Variants in NCCRP1 observed in about 807,000 individuals in gnomAD.
NCCRP1 encodes the protein F-box only protein 50.
In NCCRP1, 32 loss-of-function variants were observed where a neutral mutation model predicts 34.4. That is an observed-to-expected ratio of 0.93 (90% CI 0.70 to 1.25). The LOEUF (loss-of-function observed/expected upper bound fraction) is 1.25. Ranked by LOEUF, NCCRP1 falls within the 50% of genes most tolerant of loss-of-function variation. The pLI, the probability that NCCRP1 is intolerant of heterozygous loss-of-function variation, is 0.00. For missense variants in NCCRP1, 372 were observed against 391.8 expected (o/e 0.95, Z 0.43); for synonymous variants, 172 against 180.1 (o/e 0.95, Z 0.36).
chr19:39,197,334 A>T lies in NCCRP1; in HGVS notation c.337+15A>T. 1 of 1,427,524 alleles carries T rather than the reference A, an allele frequency of 7.0e-7. No individual in the cohort carries two copies. 88.4% of individuals were successfully genotyped at this position (1,427,524 alleles called of 1,614,324 possible). On this transcript the variant is annotated intron_variant, in intron 1 of 5. Coordinates refer to ENST00000339852, the MANE Select transcript of NCCRP1 (RefSeq NM_001001414.2). The stretch of plus-strand genomic sequence containing the variant: ...CAACCCCGAAGGTGCGCAAGGGCCC[A>T]GAGCAGCCAGGAGGCACCACCCTGA...
In NCCRP1 at chr19:39,201,366, A is replaced by G. The variant is rs969900322; in HGVS notation, c.*610A>G. ...CACTCTGTCACCCAGGCTGGAGTGT[A>G]GTGACACGATCTCGACTCACTGCAA... On this transcript the variant is annotated 3_prime_UTR_variant, in exon 6 of 6. Transcript: ENST00000339852. 1 of 146,750 alleles carries G rather than the reference A, an allele frequency of 6.8e-6. No individual in the cohort carries two copies. The highest frequency in any genetic ancestry group is 7.0e-5 in the Admixed American group (1 of 14,338). The allele number at this position is 146,750 out of a possible 1,614,324, so 9.1% of individuals were successfully genotyped here. A position where few individuals can be genotyped will look rare whatever the true frequency, so the allele number is the denominator to read the frequency against.
rs151275912 is a variant in NCCRP1, at chr19:39,200,344, A to G, written c.549-2A>G. 81 of 1,613,192 alleles carry G rather than the reference A, an allele frequency of 5.0e-5. No individual in the cohort carries two copies. In the African/African-American group the frequency reaches 9.5e-4, roughly 19 times the overall value. On this transcript the variant is annotated splice_acceptor_variant, in intron 4 of 5. Transcript: ENST00000339852. LOFTEE classifies it high-confidence loss of function. This position sits in a 1 kb window ranked among gnomAD's most constrained non-coding sequence, Gnocchi z 5.8. ...AGCTGAAGGCCTTGACTCCGCCTGC[A>G]GGTTCGAGGACAGCCGGCTGGATGC...
Position 39,200,444 on chromosome 19 carries a change from C to T in NCCRP1, c.647C>T (p.Pro216Leu), listed in dbSNP as rs2074783218. 1.2e-6 allele frequency: 2 copies of T among 1,613,522 alleles called. No individual in the cohort carries two copies. The highest frequency in any genetic ancestry group is 1.7e-6 in the Non-Finnish European group (2 of 1,180,016). The change falls in exon 5 of 6, where the codon CCC becomes CTC. Residue 216 changes from proline to leucine, a missense_variant. Coordinates refer to ENST00000339852, the MANE Select transcript of NCCRP1 (RefSeq NM_001001414.2). The surrounding 1 kb of genome is among the most constrained non-coding windows in gnomAD (Gnocchi z 5.8). ...GTCATTGCTCAGCACCACGTGGCCC[C>T]CCGAACTTCTGGGAGAGGACCCCCT... ...RTVIAQHHVA[P>L]RTSGRGPPGR...
intron 1 of NCCRP1, among the ~76,000 whole-genome samples, chr19:39,197,615 C>T (rs1286435388): frequency 1.3e-5 from 2 of 152,096 alleles, no homozygotes; most frequent in Non-Finnish European, 2.9e-5. Context: ...GTCTTGCTGT[C>T]GCCCAGGCTG....
rs918210356 is a variant in NCCRP1 at position 39,201,855 on chromosome 19, T to TG, written c.*1103dup. 1 of 152,214 alleles carries TG rather than the reference T, an allele frequency of 6.6e-6. No individual in the cohort carries two copies. The allele number at this position is 152,214 out of a possible 1,614,324, so 9.4% of individuals were successfully genotyped here. ...GACAGCGTCCCCCGTGTGTGGAATG[T>TG]GGGGATTAAAAGCATTTATCAACCT... On this transcript the variant is annotated 3_prime_UTR_variant, in exon 6 of 6. Transcript: ENST00000339852.
chr19:39,200,240 TACAGCA>T lies in NCCRP1; in HGVS notation c.549-105_549-100del. On this transcript the variant is annotated intron_variant, in intron 4 of 5. Coordinates refer to ENST00000339852, the MANE Select transcript of NCCRP1 (RefSeq NM_001001414.2). This position sits in a 1 kb window ranked among gnomAD's most constrained non-coding sequence, Gnocchi z 5.8. ...CAGCACCACCCAGCTCAGGGCTGTG[TACAGCA>T]TGGGTAGCAGCATGTGTGTTGAATG... 3 of 1,456,064 alleles carry T rather than the reference TACAGCA, an allele frequency of 2.1e-6. No individual in the cohort carries two copies. Among genetic ancestry groups the T allele is most frequent in the Non-Finnish European group, 1.9e-6 (2 of 1,060,278 alleles). 90.2% of individuals were successfully genotyped at this position (1,456,064 alleles called of 1,614,324 possible). A position where few individuals can be genotyped will look rare whatever the true frequency, so the allele number is the denominator to read the frequency against.
At position 39,200,426 on chromosome 19, in the gene NCCRP1, C is replaced by G. The variant is rs757789957; in HGVS notation, c.629C>G (p.Ala210Gly). The G allele has an allele frequency of 2.5e-6, 4 of 1,613,558 alleles. No homozygotes were observed. The East Asian group carries it at 6.7e-5, about 27-fold the overall frequency. ...LLAADRRTVI[A>G]QHHVAPRTSG... ...GCGGCCGACCGCCGCACGGTCATTG[C>G]TCAGCACCACGTGGCCCCCCGAACT... Residue 210 changes from alanine to glycine, a missense_variant, in exon 5 of 6, where the codon GCT becomes GGT. Coordinates refer to ENST00000339852, the MANE Select transcript of NCCRP1 (RefSeq NM_001001414.2). This position sits in a 1 kb window ranked among gnomAD's most constrained non-coding sequence, Gnocchi z 5.8.
Position 39,200,006 on chromosome 19 carries a change from G to T in NCCRP1, c.549-340G>T, listed in dbSNP as rs1004799931. Among the ~76,000 whole-genome samples, 2 of 150,920 alleles carry T rather than the reference G, an allele frequency of 1.3e-5. No individual in the cohort carries two copies. The highest frequency in any genetic ancestry group is 3.9e-4 in the East Asian group (2 of 5,132). Reference sequence around the variant, plus strand: ...CCCCTCTGCCTGGGTCCCCAATTCCGACCCCAACCCCTCTGCCTGTGTCCC... The same window carrying T: ...CCCCTCTGCCTGGGTCCCCAATTCCTACCCCAACCCCTCTGCCTGTGTCCC... On this transcript the variant is annotated intron_variant, in intron 4 of 5. Coordinates refer to ENST00000339852, the MANE Select transcript of NCCRP1 (RefSeq NM_001001414.2). The surrounding 1 kb of genome is among the most constrained non-coding windows in gnomAD (Gnocchi z 5.8).
In NCCRP1 at chr19:39,197,247, C is replaced by T; in HGVS notation, c.265C>T (p.Arg89Cys). Residue 89 changes from arginine (R) to cysteine (C), a missense_variant, in exon 1 of 6, where the codon CGC becomes TGC. Arg to Cys is a radical substitution (Grantham distance 180). Transcript: ENST00000339852. ...GAGCGGGGGCCTGGAGCTGCCCCAG[C>T]GCCTCACCTGGAAGCTGCTCCTGTT... The part of the protein sequence containing the change: ...PLSGGLELPQ[R>C]LTWKLLLLRR... 6.7e-7 allele frequency: 1 copy of T among 1,485,608 alleles called. No individual in the cohort carries two copies. Among genetic ancestry groups the T allele is most frequent in the Non-Finnish European group, 8.9e-7 (1 of 1,128,160 alleles). 92.0% of individuals were successfully genotyped at this position (1,485,608 alleles called of 1,614,324 possible).
Position 39,201,061 on chromosome 19 carries a change from C to CT in NCCRP1, c.*308dup. The CT allele has an allele frequency of 3.1e-6, 1 of 325,518 alleles. No individual in the cohort carries two copies. The highest frequency in any genetic ancestry group is 5.6e-6 in the Non-Finnish European group (1 of 178,354). The allele number at this position is 325,518 out of a possible 1,614,324, so 20.2% of individuals were successfully genotyped here. A position where few individuals can be genotyped will look rare whatever the true frequency, so the allele number is the denominator to read the frequency against. The stretch of plus-strand genomic sequence containing the variant: ...GGATGCTGAGGGCTGGTCTCTGCTT[C>CT]TTTGAACTTCACTGAAACTGAATGC... On this transcript the variant is annotated 3_prime_UTR_variant, in exon 6 of 6. Coordinates refer to ENST00000339852, the MANE Select transcript of NCCRP1 (RefSeq NM_001001414.2).
rs2074784106 is a variant in NCCRP1 at position 39,200,582 on chromosome 19, G to A, written c.688-34G>A. The A allele has an allele frequency of 6.2e-7, 1 of 1,612,060 alleles. No individual in the cohort carries two copies. Among genetic ancestry groups the A allele is most frequent in the Admixed American group, 1.7e-5 (1 of 59,844 alleles). On this transcript the variant is annotated intron_variant, in intron 5 of 5. Coordinates refer to ENST00000339852, the MANE Select transcript of NCCRP1 (RefSeq NM_001001414.2). This position sits in a 1 kb window ranked among gnomAD's most constrained non-coding sequence, Gnocchi z 5.8. ...AACAGGTCCGCGGGTCCTCAAAAAG[G>A]GCTCCTCCCTAACCCCAGGTGCTGT...
chr19:39,199,604 G>A (rs1018691766), intron 4 of NCCRP1, among the ~76,000 whole-genome samples: 3 of 128,586 alleles, frequency 2.3e-5, no homozygotes, highest in African/African-American at 8.9e-5. Flanking sequence ...CCTCTGCCTC[G>A]CAGGTTCAAG....
In NCCRP1 at chr19:39,200,314, GTGACAGC is replaced by G; in HGVS notation, c.549-28_549-22del. On this transcript the variant is annotated intron_variant, in intron 4 of 5. Coordinates refer to ENST00000339852, the MANE Select transcript of NCCRP1 (RefSeq NM_001001414.2). The surrounding 1 kb of genome is among the most constrained non-coding windows in gnomAD (Gnocchi z 5.8). ...CTGGGGCTGGGTAGCTGAGACTGCA[GTGACAGC>G]TGAAGGCCTTGACTCCGCCTGCAGG... The G allele has an allele frequency of 6.2e-7, 1 of 1,609,758 alleles. No individual in the cohort carries two copies. The highest frequency in any genetic ancestry group is 8.5e-7 in the Non-Finnish European group (1 of 1,178,388).
At position 39,198,188 on chromosome 19, in the gene NCCRP1, T is replaced by C; in HGVS notation, c.401-14T>C. ...GCGTTGGGGTGTCCTAACCCTTTGC[T>C]CCCCAACCTGCAGGCAATTTCCGTG... On this transcript the variant is annotated splice_polypyrimidine_tract_variant and intron_variant, in intron 2 of 5. Coordinates refer to ENST00000339852, the MANE Select transcript of NCCRP1 (RefSeq NM_001001414.2). 6.2e-7 allele frequency: 1 copy of C among 1,614,102 alleles called. No individual in the cohort carries two copies. The highest frequency in any genetic ancestry group is 8.5e-7 in the Non-Finnish European group (1 of 1,180,024).
At position 39,200,973 on chromosome 19, in the gene NCCRP1, G is replaced by C; in HGVS notation, c.*217G>C. The C allele has an allele frequency of 1.8e-6, 1 of 566,336 alleles. No homozygotes were observed. Among genetic ancestry groups the C allele is most frequent in the Non-Finnish European group, 3.1e-6 (1 of 324,252 alleles). The allele number at this position is 566,336 out of a possible 1,614,324, so 35.1% of individuals were successfully genotyped here. On this transcript the variant is annotated 3_prime_UTR_variant, in exon 6 of 6. Coordinates refer to ENST00000339852, the MANE Select transcript of NCCRP1 (RefSeq NM_001001414.2). This position sits in a 1 kb window ranked among gnomAD's most constrained non-coding sequence, Gnocchi z 5.8. ...CTCCTTGTAAATTCAGTGCCCGACAGATGCTCTGGCACAGATGCTTTGTAG... is the reference window on the plus strand; with the variant it reads ...CTCCTTGTAAATTCAGTGCCCGACACATGCTCTGGCACAGATGCTTTGTAG...
intron 4 of NCCRP1, among the ~76,000 whole-genome samples, chr19:39,199,615 C>T (rs1444543879): frequency 7.7e-5 from 11 of 142,352 alleles, no homozygotes; most frequent in African/African-American, 2.4e-4. Flanking sequence ...CAGGTTCAAG[C>T]GATTCTCCTG....
At position 39,199,355 on chromosome 19, in the gene NCCRP1, C is replaced by T. The variant is rs373886415; in HGVS notation, c.548+90C>T. On this transcript the variant is annotated intron_variant, in intron 4 of 5. Transcript: ENST00000339852. ...TACTCTGAGCTCCCCTTGCTTTCAG[C>T]CCTTCACCAAGACCCTCCTGGTGCT... 8,023 of 1,201,158 alleles carry T rather than the reference C, an allele frequency of 6.7e-3. 47 individuals carry two copies. The highest frequency in any genetic ancestry group is 0.014 in the South Asian group (1,086 of 77,054). 74.4% of individuals were successfully genotyped at this position (1,201,158 alleles called of 1,614,324 possible). A position where few individuals can be genotyped will look rare whatever the true frequency, so the allele number is the denominator to read the frequency against.
intron 4 of NCCRP1, among the ~76,000 whole-genome samples, chr19:39,199,763 T>G (rs1568542417): frequency 6.6e-6 from 1 of 152,100 alleles, no homozygotes; most frequent in Admixed American, 6.5e-5. Flanking sequence ...TCTGCCTGCC[T>G]TGGCCTCCCA....
chr19:39,199,786 T>C (rs1422334329), intron 4 of NCCRP1, among the ~76,000 whole-genome samples: 1 of 152,130 alleles, frequency 6.6e-6, no homozygotes, highest in Non-Finnish European at 1.5e-5. Flanking sequence ...GTGCTGGGAT[T>C]ACAGGTGTGA....
Sources: allele counts gnomAD v4.1 joint callset (sites outside exome capture counted in the v4.1 genomes callset), GRCh38; gene constraint gnomAD v4.1.1; non-coding constraint Gnocchi (gnomAD v3.1); transcripts MANE v1.5; gene names NCBI Gene and HGNC (gene_info 2026-07-23, HGNC 2026-07-21).